The following PCDHA6 variants were observed in gnomAD, a reference collection of about 807,000 sequenced individuals.
PCDHA6 encodes the protein protocadherin alpha 6.
PCDHA6 carries 55 observed loss-of-function variants against 60.3 expected under a neutral mutation model. That is an observed-to-expected ratio of 0.91 (90% confidence interval 0.73 to 1.14). PCDHA6 has a LOEUF of 1.14. PCDHA6 is among the 50% of genes most tolerant of loss of function. The pLI is 0.00. For missense variants in PCDHA6, 1,327 were observed against 1,256.5 expected (o/e 1.06, Z -0.85); for synonymous variants, 652 against 557.9 (o/e 1.17, Z -2.38).
chr5:140,934,236 T>C (rs532427064), intron 1 of PCDHA6, among the ~76,000 whole-genome samples: 1 of 152,290 alleles, frequency 6.6e-6, no homozygotes, highest in South Asian at 2.1e-4. Context: ...TTGTACTTAA[T>C]TGTGGAGATT....
At chr5:140,861,150 G>T (rs2046778141) in intron 1 of PCDHA6, 1 of 154,448 alleles carries the variant, frequency 6.5e-6, no homozygotes, top group Non-Finnish European at 1.4e-5. Flanking sequence ...TCAGGAACAA[G>T]GACCAAAAGG....
intron 1 of PCDHA6, among the ~76,000 whole-genome samples, chr5:140,954,151 A>G (rs2094989173): frequency 6.6e-6 from 1 of 152,226 alleles, no homozygotes; most frequent in Admixed American, 6.5e-5. Context: ...TCCATGGTGT[A>G]TATGTACCAC....
intron 1 of PCDHA6, among the ~76,000 whole-genome samples, chr5:140,893,868 AGATC>A (rs1369386852): frequency 1.3e-5 from 2 of 152,168 alleles, no homozygotes; most frequent in Non-Finnish European, 2.9e-5. Context: ...GAAACAACCC[AGATC>A]CAAAGTGGCC....
rs370989006 is a variant in PCDHA6 at position 141,009,739 on chromosome 5, C to T, written c.2655C>T (p.Pro885=). The change falls in exon 4 of 4, where the codon CCC becomes CCT. Residue 885 remains proline (P), a synonymous_variant. Transcript: ENST00000529310. ...AACAATCCGGTCCCGGTGAGTTGCC[C>T]GACAAATTCATTATCCCAGGATCTC... ...NPKQSGPGEL[P]DKFIIPGSPA... is the part of the protein sequence containing the mutation. 55 of 1,614,008 alleles carry T rather than the reference C, an allele frequency of 3.4e-5. No homozygotes were observed. Among genetic ancestry groups the T allele is most frequent in the African/African-American group, 2.4e-4 (18 of 74,972 alleles).
chr5:140,915,374 G>A (rs1310466402), intron 1 of PCDHA6, among the ~76,000 whole-genome samples: 3 of 152,016 alleles, frequency 2.0e-5, no homozygotes, highest in Non-Finnish European at 4.4e-5. Flanking sequence ...TAAGTGTCTC[G>A]GCATTGAAGA....
intron 1 of PCDHA6, chr5:140,836,354 C>A (rs2150258506): frequency 1.2e-6 from 2 of 1,613,672 alleles, no homozygotes; most frequent in Admixed American, 3.3e-5. Flanking sequence ...ACGGGGAGCC[C>A]TCGCTGACAG....
rs1554262683 is a variant in PCDHA6 at position 141,010,108 on chromosome 5, G to A, written c.*171G>A. 23 of 1,611,296 alleles carry A rather than the reference G, an allele frequency of 1.4e-5. No homozygotes were observed. Among genetic ancestry groups the A allele is most frequent in the East Asian group, 4.5e-5 (2 of 44,852 alleles). On this transcript the variant is annotated 3_prime_UTR_variant, in exon 4 of 4. Transcript: ENST00000529310. ...TAGAACGCATTTAACAGGTTTTGTC[G>A]TAAAAGCTTTACTAAGTCTGGTGTT...
intron 1 of PCDHA6, among the ~76,000 whole-genome samples, chr5:140,923,099 G>A (rs1164124655): frequency 6.6e-6 from 1 of 152,168 alleles, no homozygotes; most frequent in Non-Finnish European, 1.5e-5. Flanking sequence ...ACCAATGGGA[G>A]TATGATTTTA....
At chr5:140,969,045 C>A (rs782611179) in intron 1 of PCDHA6, 1 of 1,614,090 alleles carries the variant, frequency 6.2e-7, no homozygotes, top group Admixed American at 1.7e-5. Context: ...TACAAACAAG[C>A]CAACAACAAT....
At chr5:140,865,590 T>G (rs1353926761) in intron 1 of PCDHA6, 3 of 152,234 alleles carry the variant, frequency 2.0e-5, no homozygotes, top group Non-Finnish European at 4.4e-5. Flanking sequence ...AAATCACCAT[T>G]GTTTGAGCAG....
At chr5:140,915,023 G>A (rs1273717052) in intron 1 of PCDHA6, among the ~76,000 whole-genome samples, 3 of 147,742 alleles carry the variant, frequency 2.0e-5, no homozygotes, top group African/African-American at 7.5e-5. Context: ...TTGGCTCACT[G>A]CAACTTCTGC....
intron 1 of PCDHA6, chr5:140,842,373 C>T (rs1554138976): frequency 1.9e-6 from 3 of 1,608,288 alleles, no homozygotes; most frequent in Admixed American, 1.7e-5. Flanking sequence ...CCTGAGATAG[C>T]ACTGACTTCC....
chr5:140,900,424 C>T (rs557118930), intron 1 of PCDHA6, among the ~76,000 whole-genome samples: 151 of 152,214 alleles, frequency 9.9e-4, no homozygotes, highest in African/African-American at 3.3e-3. Flanking sequence ...ATTATAGGCA[C>T]GTGCCACCAC....
chr5:140,917,417 C>G (rs1163543772), intron 1 of PCDHA6, among the ~76,000 whole-genome samples: 2 of 152,082 alleles, frequency 1.3e-5, no homozygotes, highest in African/African-American at 2.4e-5. Flanking sequence ...TAATTAGGCC[C>G]CATTTGCCAA....
intron 1 of PCDHA6, among the ~76,000 whole-genome samples, chr5:140,909,000 G>C (rs569548757): frequency 9.8e-5 from 15 of 152,296 alleles, no homozygotes; most frequent in Non-Finnish European, 1.8e-4. Flanking sequence ...AAATTTTACT[G>C]AGGTAGAAGG....
chr5:140,848,207 C>A (rs1279518262), intron 1 of PCDHA6: 2 of 340,884 alleles, frequency 5.9e-6, no homozygotes, highest in Non-Finnish European at 1.1e-5. Context: ...ACAATCATTA[C>A]TTAAGAAAAA....
intron 1 of PCDHA6, among the ~76,000 whole-genome samples, chr5:140,880,228 A>G (rs2058273237): frequency 6.6e-6 from 1 of 152,196 alleles, no homozygotes; most frequent in Non-Finnish European, 1.5e-5. Context: ...GAACATTTAA[A>G]TTAGTGTATG....
intron 1 of PCDHA6, chr5:140,869,336 A>G (rs781863950): frequency 6.2e-7 from 1 of 1,613,984 alleles, no homozygotes; most frequent in Admixed American, 1.7e-5. Flanking sequence ...CTGGAGGTAA[A>G]TCTGCAGAAT....
chr5:141,000,926 G>T (rs1554257936), intron 3 of PCDHA6, among the ~76,000 whole-genome samples: 1 of 151,956 alleles, frequency 6.6e-6, no homozygotes, highest in Non-Finnish European at 1.5e-5. Flanking sequence ...AAAATCCTGT[G>T]TGATTTAGGA....
Sources: gnomAD v4.1 joint callset for allele counts (sites outside exome capture counted in the v4.1 genomes callset) on GRCh38, gnomAD v4.1.1 for gene constraint, MANE v1.5 for transcripts, NCBI Gene and HGNC (gene_info 2026-07-23, HGNC 2026-07-21) for gene names.